The following SNRPD2 variants were observed in gnomAD, a reference collection of about 807,000 sequenced individuals.
SNRPD2 encodes the protein small nuclear ribonucleoprotein Sm D2.
SNRPD2 carries 1 observed loss-of-function variant against 11.5 expected under a neutral mutation model. The observed-to-expected ratio is 0.09, with a 90% CI of 0.03 to 0.41. SNRPD2 has a LOEUF of 0.41. SNRPD2 is among the 10% of genes least tolerant of loss of function. The pLI is 0.98. For synonymous variants in SNRPD2, 63 were observed against 61.5 expected, an observed-to-expected ratio of 1.02 and a Z score of -0.12; for missense variants, 77 against 154.9, an observed-to-expected ratio of 0.50 and a Z score of 2.67.
intron 1 of SNRPD2, among the ~76,000 whole-genome samples, chr19:45,690,264 G>A (rs1468783318): frequency 6.7e-6 from 1 of 148,226 alleles, no homozygotes; most frequent in Non-Finnish European, 1.5e-5. Context: ...CCCAGGGGGC[G>A]GAGGCTGCAG....
At chr19:45,692,160 T>C, upstream of SNRPD2, 1 of 645,982 alleles carries the variant, frequency 1.5e-6, no homozygotes, top group Non-Finnish European at 2.5e-6. Flanking sequence ...GCAGTCTGAT[T>C]CAAACCGTTT....
chr19:45,691,801 C>T (rs1568535285), intron 1 of SNRPD2, 86 bp downstream of exon 1: 1 of 1,533,122 alleles, frequency 6.5e-7, no homozygotes, highest in South Asian at 1.1e-5. Flanking sequence ...CTGCCCCCCC[C>T]GCTCTGCTCA....
rs373084177 is a variant in SNRPD2 at position 45,688,980 on chromosome 19, G to A, written c.3-414C>T. ...GATTTCTTGACCTTGTGATCCACCCGCCTCGACCTCCCAAAGTGCTGAGAT... is the reference window on the plus strand; with the variant it reads ...GATTTCTTGACCTTGTGATCCACCCACCTCGACCTCCCAAAGTGCTGAGAT... On this transcript the variant is annotated intron_variant, in intron 1 of 2. Transcript: ENST00000342669. This position sits in a 1 kb window ranked among gnomAD's most constrained non-coding sequence, Gnocchi z 4.1. 5.9e-5 allele frequency among the ~76,000 whole-genome samples: 9 copies of A among 151,986 alleles called. No homozygotes were observed. Among genetic ancestry groups the A allele is most frequent in the African/African-American group, 1.7e-4 (7 of 41,448 alleles).
chr19:45,687,835 T>C lies in SNRPD2; in HGVS notation c.183-108A>G, dbSNP rs1600329555. On this transcript the variant is annotated intron_variant, in intron 2 of 2. Coordinates refer to ENST00000342669, the MANE Select transcript of SNRPD2 (RefSeq NM_001384647.1). This position sits in a 1 kb window ranked among gnomAD's most constrained non-coding sequence, Gnocchi z 4.1. ...TCCAGCAGCATGGCTTGGGGAAGGG[T>C]GCAGGTGCTAGGCCGGGATGACCAA... 2 of 920,082 alleles carry C rather than the reference T, an allele frequency of 2.2e-6. No individual in the cohort carries two copies. The highest frequency in any genetic ancestry group is 3.0e-5 in the South Asian group (2 of 66,714). The allele number at this position is 920,082 out of a possible 1,614,324, so 57.0% of individuals were successfully genotyped here. A position where few individuals can be genotyped will look rare whatever the true frequency, so the allele number is the denominator to read the frequency against.
intron 1 of SNRPD2, chr19:45,691,518 C>A: frequency 4.2e-6 from 1 of 235,766 alleles, no homozygotes; most frequent in Admixed American, 5.0e-5. Context: ...TCGTTTAAAA[C>A]ATGTTTTTCA....
chr19:45,689,109 T>TC (rs55742289), intron 1 of SNRPD2: 138,720 of 471,110 alleles, frequency 0.29, 21,665 homozygotes, highest in Admixed American at 0.43. Context: ...TCTACAGCGT[T>TC]CCCCATCTGC....
chr19:45,692,316 G>T, upstream of SNRPD2: 1 of 359,192 alleles, frequency 2.8e-6, no homozygotes, highest in South Asian at 3.3e-5. Flanking sequence ...TCTGGGACGC[G>T]TTACTGACGT....
rs569806267 is a variant in SNRPD2, at chr19:45,687,961, T to C, written c.183-234A>G. 1.8e-4 allele frequency among the ~76,000 whole-genome samples: 28 copies of C among 152,338 alleles called. No homozygotes were observed. The highest frequency in any genetic ancestry group is 6.8e-3 in the Middle Eastern group (2 of 294). On this transcript the variant is annotated intron_variant, in intron 2 of 2. Transcript: ENST00000342669. The surrounding 1 kb of genome is among the most constrained non-coding windows in gnomAD (Gnocchi z 4.1). ...CTTTTTAAGAGGGAAGATAATCACG[T>C]TACCTTCCTCACAGGGCCATTGAAA...
In SNRPD2 at chr19:45,687,798, C is replaced by A; in HGVS notation, c.183-71G>T. 1 of 1,254,150 alleles carries A rather than the reference C, an allele frequency of 8.0e-7. No individual in the cohort carries two copies. Among genetic ancestry groups the A allele is most frequent in the East Asian group, 2.3e-5 (1 of 43,134 alleles). The allele number at this position is 1,254,150 out of a possible 1,614,324, so 77.7% of individuals were successfully genotyped here. On this transcript the variant is annotated intron_variant, in intron 2 of 2. Transcript: ENST00000342669. The surrounding 1 kb of genome is among the most constrained non-coding windows in gnomAD (Gnocchi z 4.1). ...CTCTGACAGTGCCCCCTACTGCCTG[C>A]TGCTCGCCCCCTCCAGCAGCATGGC...
chr19:45,688,779 C>T lies in SNRPD2; in HGVS notation c.3-213G>A, dbSNP rs1188010760. Among the ~76,000 whole-genome samples the T allele has an allele frequency of 6.6e-6, 1 of 151,768 alleles. No homozygotes were observed. The highest frequency in any genetic ancestry group is 1.5e-5 in the Non-Finnish European group (1 of 67,970). ...ACGGAGTCTTGATCTGTTGCCCAGGCTGGAGCGCAGTGATGTGATCTCGGC... is the reference window on the plus strand; with the variant it reads ...ACGGAGTCTTGATCTGTTGCCCAGGTTGGAGCGCAGTGATGTGATCTCGGC... On this transcript the variant is annotated intron_variant, in intron 1 of 2. Coordinates refer to ENST00000342669, the MANE Select transcript of SNRPD2 (RefSeq NM_001384647.1). This position sits in a 1 kb window ranked among gnomAD's most constrained non-coding sequence, Gnocchi z 4.1.
At chr19:45,689,310 G>C in intron 1 of SNRPD2, 1 of 519,854 alleles carries the variant, frequency 1.9e-6, no homozygotes, top group Non-Finnish European at 3.8e-6. Flanking sequence ...CTGACAGTCT[G>C]TTCTCCACAG....
At chr19:45,691,212 C>A (rs1247140447) in intron 1 of SNRPD2, among the ~76,000 whole-genome samples, 1 of 152,150 alleles carries the variant, frequency 6.6e-6, no homozygotes. Flanking sequence ...CTCACTGCAA[C>A]CTCCGCCTCC....
At chr19:45,690,527 C>T (rs572636608) in intron 1 of SNRPD2, 1 of 151,846 alleles carries the variant, frequency 6.6e-6, no homozygotes, top group South Asian at 2.1e-4. Flanking sequence ...CTCCCCCCAT[C>T]TCAGTGTAGA....
At chr19:45,690,831 CAAAAA>C (rs34253731) in intron 1 of SNRPD2, among the ~76,000 whole-genome samples, 1 of 87,432 alleles carries the variant, frequency 1.1e-5, no homozygotes, top group Non-Finnish European at 2.4e-5. Context: ...GGCTCCGTCT[CAAAAA>C]AAAAAAAAAA....
Position 45,688,232 on chromosome 19 carries a change from C to G in SNRPD2, c.182+155G>C, listed in dbSNP as rs934725764. On this transcript the variant is annotated intron_variant, in intron 2 of 2. Transcript: ENST00000342669. This position sits in a 1 kb window ranked among gnomAD's most constrained non-coding sequence, Gnocchi z 4.1. ...TCCTGACCTCAGGTGATCTACCCGCCTTGCCTTCCCAAAGTGCTGGGATTA... is the reference window on the plus strand; with the variant it reads ...TCCTGACCTCAGGTGATCTACCCGCGTTGCCTTCCCAAAGTGCTGGGATTA... 6.6e-6 allele frequency among the ~76,000 whole-genome samples: 1 copy of G among 152,184 alleles called. No individual in the cohort carries two copies. The highest frequency in any genetic ancestry group is 1.5e-5 in the Non-Finnish European group (1 of 68,034).
intron 1 of SNRPD2, among the ~76,000 whole-genome samples, chr19:45,690,069 C>T (rs984655419): frequency 1.3e-5 from 2 of 150,884 alleles, no homozygotes; most frequent in African/African-American, 2.4e-5. Context: ...CGGTGGCTCA[C>T]GCCTGTAATC....
upstream of SNRPD2, chr19:45,692,026 C>G: frequency 6.3e-7 from 1 of 1,598,396 alleles, no homozygotes; most frequent in Non-Finnish European, 8.5e-7. Flanking sequence ...GGAGGCGTGG[C>G]CTGTTGCCAC....
chr19:45,688,559 G>A lies in SNRPD2; in HGVS notation c.10C>T (p.Leu4Phe), dbSNP rs1967465507. ...GTCATCTCACTCTTGGGCTTGTTGA[G>A]GAGGCTCCTGCATGGACAAACATGG... The part of the protein sequence containing the change: MSL[L>F]NKPKSEMTPE... Residue 4 changes from leucine to phenylalanine, a missense_variant, in exon 2 of 3, where the codon CTC (leucine) becomes TTC (phenylalanine). Leu to Phe is a conservative substitution (Grantham distance 22, BLOSUM62 0). Transcript: ENST00000342669. The surrounding 1 kb of genome is among the most constrained non-coding windows in gnomAD (Gnocchi z 4.1). 6.2e-7 allele frequency: 1 copy of A among 1,613,704 alleles called. No homozygotes were observed. Among genetic ancestry groups the A allele is most frequent in the Non-Finnish European group, 8.5e-7 (1 of 1,179,772 alleles).
chr19:45,687,471 A>G lies in SNRPD2; in HGVS notation c.*82T>C. ...GAAACAGATACCACTAGAAAAAAAC[A>G]CAGAGCTTTATTATTCTCAACACCA... is the stretch of plus-strand genomic sequence containing the variant. On this transcript the variant is annotated 3_prime_UTR_variant, in exon 3 of 3. Transcript: ENST00000342669. This position sits in a 1 kb window ranked among gnomAD's most constrained non-coding sequence, Gnocchi z 4.1. 7.4e-7 allele frequency: 1 copy of G among 1,355,716 alleles called. No individual in the cohort carries two copies. Among genetic ancestry groups the G allele is most frequent in the South Asian group, 1.3e-5 (1 of 77,964 alleles). The allele number at this position is 1,355,716 out of a possible 1,614,324, so 84.0% of individuals were successfully genotyped here.
Sources: gnomAD v4.1 joint callset for allele counts (sites outside exome capture counted in the v4.1 genomes callset) on GRCh38, gnomAD v4.1.1 for gene constraint, Gnocchi (gnomAD v3.1) non-coding constraint, MANE v1.5 for transcripts, NCBI Gene and HGNC (gene_info 2026-07-23, HGNC 2026-07-21) for gene names.